Variants in FOXP2 observed in about 807,000 individuals in gnomAD.
FOXP2 encodes forkhead box P2, also known as forkhead box protein P2.
Under a neutral mutation model 115.8 loss-of-function variants are expected in FOXP2, and 12 were observed. The observed-to-expected ratio is 0.10, with a 90% CI of 0.07 to 0.17. The LOEUF is 0.17. Among genes scored for constraint, FOXP2 ranks in the 10% least tolerant of loss-of-function variants. The pLI is 1.00. For missense variants in FOXP2, 629 were observed against 843.5 expected, an observed-to-expected ratio of 0.75 and a Z score of 3.15; for synonymous variants, 328 against 297.7, an observed-to-expected ratio of 1.10 and a Z score of -1.05.
intron 13 of FOXP2, 22 bp downstream of exon 13, chr7:114,659,695 T>G: frequency 6.4e-7 from 1 of 1,566,762 alleles, no homozygotes; most frequent in Non-Finnish European, 8.8e-7. Context: ...TCCAGCAGTT[T>G]TAAGATGCCT....
At chr7:114,360,325 T>C (rs1247207025) in intron 2 of FOXP2, among the ~76,000 whole-genome samples, 1 of 152,166 alleles carries the variant, frequency 6.6e-6, no homozygotes, top group East Asian at 1.9e-4. Flanking sequence ...AGGTGTTTCT[T>C]CATAGCAGTA....
intron 1 of FOXP2, among the ~76,000 whole-genome samples, chr7:114,242,801 A>G (rs747679337): frequency 2.0e-5 from 3 of 152,178 alleles, no homozygotes; most frequent in Non-Finnish European, 4.4e-5. Context: ...CTCTGTATTC[A>G]TCTAAATCCT....
chr7:114,595,458 AACT>A (rs1802645021), intron 3 of FOXP2, among the ~76,000 whole-genome samples: 1 of 152,086 alleles, frequency 6.6e-6, no homozygotes, highest in African/African-American at 2.4e-5. Context: ...TATAAAAAGT[AACT>A]ACTATTTTTT....
At chr7:114,092,073 C>A (rs1479372227) in intron 1 of FOXP2, among the ~76,000 whole-genome samples, 1 of 151,954 alleles carries the variant, frequency 6.6e-6, no homozygotes, top group Non-Finnish European at 1.5e-5. Flanking sequence ...AGAGTGAATA[C>A]AGTTTAAATG....
intron 2 of FOXP2, among the ~76,000 whole-genome samples, chr7:114,389,565 T>G (rs964188708): frequency 8.5e-5 from 13 of 152,148 alleles, no homozygotes; most frequent in Admixed American, 8.5e-4. Context: ...TAGGAAACTA[T>G]TTCCTTGAGA....
At chr7:114,302,557 G>A (rs1562861826) in intron 2 of FOXP2, among the ~76,000 whole-genome samples, 1 of 152,088 alleles carries the variant, frequency 6.6e-6, no homozygotes, top group Non-Finnish European at 1.5e-5. Context: ...AAGCAGTTTG[G>A]TTTCAGAATC....
At chr7:114,295,634 G>A (rs1214080190) in intron 2 of FOXP2, among the ~76,000 whole-genome samples, 1 of 152,168 alleles carries the variant, frequency 6.6e-6, no homozygotes. Flanking sequence ...CCAGAGAACA[G>A]AGGACTATTA....
At chr7:114,537,132 A>G (rs1044702284) in intron 3 of FOXP2, among the ~76,000 whole-genome samples, 2 of 151,546 alleles carry the variant, frequency 1.3e-5, no homozygotes, top group African/African-American at 4.8e-5. Context: ...AATTTTCAAT[A>G]ATTTGATATG....
At chr7:114,106,962 A>C (rs1202673643) in intron 1 of FOXP2, among the ~76,000 whole-genome samples, 1 of 152,068 alleles carries the variant, frequency 6.6e-6, no homozygotes, top group Non-Finnish European at 1.5e-5. Context: ...TTTTATAAGC[A>C]GTTTAATATA....
At chr7:114,264,028 C>T (rs538006255) in intron 1 of FOXP2, among the ~76,000 whole-genome samples, 4 of 152,106 alleles carry the variant, frequency 2.6e-5, no homozygotes, top group African/African-American at 9.7e-5. Context: ...CTTACTCTCA[C>T]CTTTTTACGC....
At chr7:114,490,328 A>G (rs183091680) in intron 2 of FOXP2, among the ~76,000 whole-genome samples, 1 of 152,278 alleles carries the variant, frequency 6.6e-6, no homozygotes, top group East Asian at 1.9e-4. Flanking sequence ...AAAGCTACAT[A>G]CTATATGATT....
chr7:114,560,413 C>A (rs1264789713), intron 3 of FOXP2, among the ~76,000 whole-genome samples: 2 of 151,978 alleles, frequency 1.3e-5, no homozygotes, highest in East Asian at 3.9e-4. Context: ...TGAGACCAGC[C>A]TGGCCAACAT....
chr7:114,373,262 C>T (rs1213443677), intron 2 of FOXP2, among the ~76,000 whole-genome samples: 3 of 152,088 alleles, frequency 2.0e-5, no homozygotes, highest in Non-Finnish European at 2.9e-5. Flanking sequence ...CCTCGTGATC[C>T]GCCTGCCTCG....
intron 2 of FOXP2, among the ~76,000 whole-genome samples, chr7:114,430,548 G>GAAA (rs1276295166): frequency 6.6e-6 from 1 of 151,678 alleles, no homozygotes; most frequent in Non-Finnish European, 1.5e-5. Flanking sequence ...AACGATATAG[G>GAAA]AAAACTTAAC....
chr7:114,303,965 A>G lies in FOXP2; in HGVS notation c.-11+15856A>G, dbSNP rs1198786848. 3.9e-5 allele frequency among the ~76,000 whole-genome samples: 6 copies of G among 152,112 alleles called. No homozygotes were observed. The East Asian group carries it at 1.2e-3, about 29-fold the overall frequency. Reference sequence around the variant, plus strand: ...ATGAAATATTTCATAATTTTTAAGTATATTGATGAGAATAAGTATGGCAAA... The same window carrying G: ...ATGAAATATTTCATAATTTTTAAGTGTATTGATGAGAATAAGTATGGCAAA... On this transcript the variant is annotated intron_variant, in intron 2 of 17. Transcript: ENST00000634411.
chr7:114,094,514 T>TC (rs1232290692), intron 1 of FOXP2, among the ~76,000 whole-genome samples: 1 of 152,116 alleles, frequency 6.6e-6, no homozygotes, highest in Admixed American at 6.6e-5. Context: ...CTTCCTTTCT[T>TC]CCTTTCATTT....
intron 1 of FOXP2, among the ~76,000 whole-genome samples, chr7:114,173,672 C>A (rs1040859093): frequency 2.6e-5 from 4 of 151,614 alleles, no homozygotes; most frequent in African/African-American, 9.7e-5. Context: ...TTGTCTTGGC[C>A]AAAGCCCAGA....
intron 1 of FOXP2, among the ~76,000 whole-genome samples, chr7:114,119,288 A>G (rs573469596): frequency 1.8e-3 from 268 of 152,302 alleles, no homozygotes; most frequent in African/African-American, 6.1e-3. Flanking sequence ...CAAAACGGGC[A>G]GCTGGAATTA....
At chr7:114,101,896 ATT>A (rs200056748) in intron 1 of FOXP2, among the ~76,000 whole-genome samples, 9 of 94,188 alleles carry the variant, frequency 9.6e-5, no homozygotes, top group South Asian at 3.8e-4. Flanking sequence ...TCGCTTCAAC[ATT>A]TTGTGTGTGT....
Sources: allele counts gnomAD v4.1 joint callset (sites outside exome capture counted in the v4.1 genomes callset), GRCh38; gene constraint gnomAD v4.1.1; transcripts MANE v1.5; gene names NCBI Gene and HGNC (gene_info 2026-07-23, HGNC 2026-07-21).